Variants in LAMC1 observed in about 807,000 individuals in gnomAD.
LAMC1 encodes the protein laminin subunit gamma-1.
Under a neutral mutation model 173.6 loss-of-function variants are expected in LAMC1, and 38 were observed. The observed-to-expected ratio is 0.22, with a 90% CI of 0.17 to 0.29. The LOEUF is 0.29. Ranked by LOEUF, LAMC1 falls within the 10% of genes least tolerant of loss-of-function variation. The pLI is 1.00. For synonymous variants in LAMC1, 746 were observed against 749.1 expected, an observed-to-expected ratio of 1.00 and a Z score of 0.07; for missense variants, 1,824 against 2,051.8, an observed-to-expected ratio of 0.89 and a Z score of 2.14.
intron 1 of LAMC1, among the ~76,000 whole-genome samples, chr1:183,089,188 A>G (rs1490463708): frequency 1.3e-5 from 2 of 152,214 alleles, no homozygotes; most frequent in Non-Finnish European, 2.9e-5. Flanking sequence ...CAGAATGTAA[A>G]TAGAAAGGTA....
intron 18 of LAMC1, 38 bp from the exon 19 acceptor site, chr1:183,130,306 C>A: frequency 1.3e-6 from 2 of 1,526,982 alleles, no homozygotes; most frequent in Non-Finnish European, 1.8e-6. Context: ...TGATCCTCTT[C>A]AGATAATTTA....
chr1:183,110,638 T>C lies in LAMC1; in HGVS notation c.1005T>C (p.Ser335=). ...DRPWRRATAE[S]ASECLPCDCN... ...CGTGGAGGAGGGCAACTGCGGAAAG[T>C]GCCAGTGAATGCCTGCGTGAGTGCC... Residue 335 remains serine, a synonymous_variant, in exon 4 of 28, where the codon AGT becomes AGC. Transcript: ENST00000258341. 2 of 1,613,814 alleles carry C rather than the reference T, an allele frequency of 1.2e-6. No individual in the cohort carries two copies. Among genetic ancestry groups the C allele is most frequent in the Non-Finnish European group, 1.7e-6 (2 of 1,179,824 alleles).
chr1:183,086,591 C>T (rs1571431217), intron 1 of LAMC1, among the ~76,000 whole-genome samples: 1 of 152,038 alleles, frequency 6.6e-6, no homozygotes, highest in Non-Finnish European at 1.5e-5. Context: ...CTTTTTTCTT[C>T]CAAAGATGGA....
chr1:183,088,914 A>C (rs565256167), intron 1 of LAMC1, among the ~76,000 whole-genome samples: 25 of 152,368 alleles, frequency 1.6e-4, no homozygotes, highest in African/African-American at 5.5e-4. Context: ...GTTTGGAGAT[A>C]GAAAATGAAG....
At chr1:183,132,271 G>A (rs1036656871) in intron 20 of LAMC1, 129 bp from the exon 21 acceptor site, 2 of 611,742 alleles carry the variant, frequency 3.3e-6, no homozygotes, top group African/African-American at 2.0e-5. Flanking sequence ...CAGCCTGGGT[G>A]ACAGAGCGAG....
chr1:183,041,868 A>G (rs1372698431), intron 1 of LAMC1, among the ~76,000 whole-genome samples: 2 of 152,148 alleles, frequency 1.3e-5, no homozygotes, highest in African/African-American at 4.8e-5. Flanking sequence ...GTGAATTTCT[A>G]TTTCTTTGAG....
rs576361097 is a variant in LAMC1 at position 183,055,536 on chromosome 1, G to C, written c.418+31402G>C. ...TTAAATGAAATAAAGGCATTAGGCC[G>C]GGTGCAGTGGCTCATGCCTGTAATC... On this transcript the variant is annotated intron_variant, in intron 1 of 27. Transcript: ENST00000258341. Among the ~76,000 whole-genome samples, 23 of 152,078 alleles carry C rather than the reference G, an allele frequency of 1.5e-4. 1 individual carries two copies. The highest frequency in any genetic ancestry group is 9.2e-4 in the Admixed American group (14 of 15,282).
At chr1:183,100,928 A>G (rs533194543) in intron 1 of LAMC1, among the ~76,000 whole-genome samples, 1 of 152,336 alleles carries the variant, frequency 6.6e-6, no homozygotes, top group South Asian at 2.1e-4. Flanking sequence ...AGTAGACTGC[A>G]TCAGAGTTTA....
At chr1:183,117,219 G>A (rs1433024285) in intron 8 of LAMC1, 101 bp from the exon 9 acceptor site, 1 of 1,284,704 alleles carries the variant, frequency 7.8e-7, no homozygotes, top group East Asian at 2.3e-5. Context: ...ATGCCTTTCT[G>A]TATACAAGGT....
intron 1 of LAMC1, among the ~76,000 whole-genome samples, chr1:183,029,906 C>T (rs1006653535): frequency 6.6e-6 from 1 of 152,100 alleles, no homozygotes; most frequent in Non-Finnish European, 1.5e-5. Flanking sequence ...TTGCCCTGAC[C>T]TCATTCTTAG....
intron 1 of LAMC1, among the ~76,000 whole-genome samples, chr1:183,084,143 A>G (rs1440943697): frequency 1.3e-5 from 2 of 152,134 alleles, no homozygotes; most frequent in African/African-American, 4.8e-5. Flanking sequence ...TCACAAGGTC[A>G]GGAGATCGAG....
intron 1 of LAMC1, among the ~76,000 whole-genome samples, chr1:183,083,622 T>A (rs1655344641): frequency 6.6e-6 from 1 of 152,212 alleles, no homozygotes; most frequent in Non-Finnish European, 1.5e-5. Context: ...AGAAGTTTTT[T>A]AAAAAGGTTT....
intron 1 of LAMC1, among the ~76,000 whole-genome samples, chr1:183,058,869 T>G (rs1447397780): frequency 6.6e-6 from 1 of 152,194 alleles, no homozygotes; most frequent in Non-Finnish European, 1.5e-5. Context: ...CATGTTTACA[T>G]GTATTTTAAA....
chr1:183,046,116 T>C (rs1654259755), intron 1 of LAMC1, among the ~76,000 whole-genome samples: 3 of 152,142 alleles, frequency 2.0e-5, no homozygotes, highest in Admixed American at 2.0e-4. Context: ...CGATCACATT[T>C]GTGGGTACTT....
intron 1 of LAMC1, among the ~76,000 whole-genome samples, chr1:183,033,871 T>A (rs1034181752): frequency 6.6e-6 from 1 of 151,692 alleles, no homozygotes; most frequent in Non-Finnish European, 1.5e-5. Flanking sequence ...GTTTTTTGTA[T>A]TTTTTTTAGT....
In LAMC1 at chr1:183,110,670, C is replaced by T. The variant is rs148876235; in HGVS notation, c.1021+16C>T. The T allele has an allele frequency of 2.7e-5, 44 of 1,611,872 alleles. No individual in the cohort carries two copies. Among genetic ancestry groups the T allele is most frequent in the East Asian group, 8.9e-5 (4 of 44,864 alleles). On this transcript the variant is annotated intron_variant, in intron 4 of 27. Transcript: ENST00000258341. ...GAATGCCTGCGTGAGTGCCCCATGA[C>T]GTCAGTCTGTCAGTTGTCTTAAGGA...
rs375733537 is a variant in LAMC1 at position 183,140,547 on chromosome 1, G to A, written c.4573+44G>A. Reference sequence around the variant, plus strand: ...ATTTTTGTCAGTCTCTGAATCTTTTGTACTGTTCTTAGGATCTGATATAGT... The same window carrying A: ...ATTTTTGTCAGTCTCTGAATCTTTTATACTGTTCTTAGGATCTGATATAGT... On this transcript the variant is annotated intron_variant, in intron 27 of 27. Transcript: ENST00000258341. 6.1e-6 allele frequency: 8 copies of A among 1,320,186 alleles called. No homozygotes were observed. The African/African-American group carries it at 8.7e-5, about 14-fold the overall frequency. The allele number at this position is 1,320,186 out of a possible 1,614,324, so 81.8% of individuals were successfully genotyped here. A position where few individuals can be genotyped will look rare whatever the true frequency, so the allele number is the denominator to read the frequency against.
chr1:183,093,228 C>T (rs1655610075), intron 1 of LAMC1, among the ~76,000 whole-genome samples: 1 of 152,150 alleles, frequency 6.6e-6, no homozygotes, highest in East Asian at 1.9e-4. Flanking sequence ...CCAGCATTCT[C>T]TATGGCTTTC....
At chr1:183,033,935 G>A (rs1653908108) in intron 1 of LAMC1, among the ~76,000 whole-genome samples, 1 of 152,020 alleles carries the variant, frequency 6.6e-6, no homozygotes, top group African/African-American at 2.4e-5. Context: ...CTGACCTCAG[G>A]TGATGCACCC....
Sources: gnomAD v4.1 joint callset for allele counts (sites outside exome capture counted in the v4.1 genomes callset) on GRCh38, gnomAD v4.1.1 for gene constraint, MANE v1.5 for transcripts, NCBI Gene and HGNC (gene_info 2026-07-23, HGNC 2026-07-21) for gene names.